AMOTL1: variants seen among roughly 807,000 people sequenced by gnomAD.
AMOTL1 encodes the protein angiomotin like 1.
Under a neutral mutation model 102.9 loss-of-function variants are expected in AMOTL1, and 45 were observed. That is an observed-to-expected ratio of 0.44 (90% CI 0.34 to 0.56). AMOTL1 has a LOEUF of 0.56. AMOTL1 is among the 20% of genes least tolerant of loss of function. The pLI, the probability that AMOTL1 is intolerant of heterozygous loss-of-function variation, is 0.01. For missense variants in AMOTL1, 1,114 were observed against 1,225.6 expected (o/e 0.91, Z 1.36); for synonymous variants, 481 against 484.7 (o/e 0.99, Z 0.10).
chr11:94,857,560 G>C (rs1952693268), intron 8 of AMOTL1, among the ~76,000 whole-genome samples: 1 of 152,014 alleles, frequency 6.6e-6, no homozygotes, highest in South Asian at 2.1e-4. Flanking sequence ...GGAAGTGAAA[G>C]AGAAAAAAGA....
chr11:94,764,997 C>T (rs929174114), upstream of AMOTL1, among the ~76,000 whole-genome samples: 3 of 152,194 alleles, frequency 2.0e-5, no homozygotes, highest in African/African-American at 7.2e-5. Flanking sequence ...TGCTCATTCT[C>T]CTCTATCCAG....
At position 94,806,014 on chromosome 11, in the gene AMOTL1, TA is replaced by T. The variant is rs976349110; in HGVS notation, c.1121+5710del. 5.3e-5 allele frequency among the ~76,000 whole-genome samples: 8 copies of T among 152,252 alleles called. No homozygotes were observed. The Middle Eastern group carries it at 0.01, about 194-fold the overall frequency. ...TATTCCCCAAATCACTATTTTCCTT[TA>T]AAAAAATGCATTATGCATTTTCCCC... On this transcript the variant is annotated intron_variant, in intron 3 of 12. Transcript: ENST00000433060.
Position 94,867,642 on chromosome 11 carries a change from G to A in AMOTL1, c.2488+1474G>A, listed in dbSNP as rs910637655. On this transcript the variant is annotated intron_variant, in intron 11 of 12. Transcript: ENST00000433060. ...AAGGGGCTGAGGCAGGTTCATGGGT[G>A]ACTGCACAGTTCCCCACATGTTGTC... Among the ~76,000 whole-genome samples, 3 of 152,236 alleles carry A rather than the reference G, an allele frequency of 2.0e-5. No homozygotes were observed. In the East Asian group the frequency reaches 5.8e-4, roughly 29 times the overall value.
intron 3 of AMOTL1, among the ~76,000 whole-genome samples, chr11:94,812,610 A>G (rs1951702018): frequency 6.6e-6 from 1 of 152,294 alleles, no homozygotes; most frequent in South Asian, 2.1e-4. Context: ...GAAAGTATAT[A>G]GTTTTTTGTT....
At chr11:94,840,433 A>G (rs1313110966) in intron 6 of AMOTL1, among the ~76,000 whole-genome samples, 4 of 152,020 alleles carry the variant, frequency 2.6e-5, no homozygotes, top group Non-Finnish European at 5.9e-5. Context: ...AAAAAAAGGA[A>G]TCTATTCAAA....
chr11:94,722,912 C>A (rs535058758), intron 1 of AMOTL1, among the ~76,000 whole-genome samples: 1 of 152,126 alleles, frequency 6.6e-6, no homozygotes, highest in Admixed American at 6.6e-5. Context: ...TGAGTCATTA[C>A]ATTAAAAAGC....
At chr11:94,865,863 TG>T in intron 10 of AMOTL1, 78 bp from the exon 11 acceptor site, 1 of 1,256,322 alleles carries the variant, frequency 8.0e-7, no homozygotes, top group African/African-American at 1.5e-5. Flanking sequence ...TTAAAGTCTT[TG>T]GGACAGCCTG....
chr11:94,778,541 A>C (rs981892157), intron 1 of AMOTL1, among the ~76,000 whole-genome samples: 1 of 152,226 alleles, frequency 6.6e-6, no homozygotes, highest in Non-Finnish European at 1.5e-5. Context: ...TCTTAATTAC[A>C]CCTACCTCAA....
chr11:94,728,901 A>G (rs995911113), intron 1 of AMOTL1: 68 of 1,112,580 alleles, frequency 6.1e-5, no homozygotes, highest in Non-Finnish European at 7.8e-5. Flanking sequence ...TCCCTTTTTT[A>G]TATTCATTAT....
intron 3 of AMOTL1, among the ~76,000 whole-genome samples, chr11:94,741,483 G>C (rs539558928): frequency 6.6e-6 from 1 of 152,242 alleles, no homozygotes; most frequent in South Asian, 2.1e-4. Flanking sequence ...TAAACTGTAA[G>C]ACCTAGGAGC....
chr11:94,857,099 A>G (rs910893154), intron 8 of AMOTL1, among the ~76,000 whole-genome samples: 3 of 152,214 alleles, frequency 2.0e-5, no homozygotes, highest in Non-Finnish European at 4.4e-5. Context: ...CTCCCACCAG[A>G]AAAGTAGCCT....
intron 9 of AMOTL1, among the ~76,000 whole-genome samples, chr11:94,864,107 G>A (rs1198645292): frequency 6.6e-6 from 1 of 152,184 alleles, no homozygotes; most frequent in Non-Finnish European, 1.5e-5. Flanking sequence ...AGTATTTACT[G>A]AGCCCCCATT....
chr11:94,779,885 G>A (rs1951083300), intron 1 of AMOTL1, among the ~76,000 whole-genome samples: 2 of 152,116 alleles, frequency 1.3e-5, no homozygotes, highest in Admixed American at 1.3e-4. Context: ...TCGTTTGATT[G>A]GCTAGGCCAT....
At chr11:94,766,611 C>A (rs946393599), upstream of AMOTL1, among the ~76,000 whole-genome samples, 6 of 152,122 alleles carry the variant, frequency 3.9e-5, no homozygotes, top group African/African-American at 1.2e-4. Flanking sequence ...GTATTAAATT[C>A]GCGCAAATGT....
At chr11:94,867,453 G>A (rs1173702587) in intron 11 of AMOTL1, among the ~76,000 whole-genome samples, 1 of 152,160 alleles carries the variant, frequency 6.6e-6, no homozygotes, top group African/African-American at 2.4e-5. Flanking sequence ...AGCCAGGCAG[G>A]CATCTCTGGT....
Position 94,715,808 on chromosome 11 carries a change from G to A in AMOTL1, c.-51+9211G>A, listed in dbSNP as rs528944270. On this transcript the variant is annotated intron_variant, in intron 1 of 4. Transcript: ENST00000299004. ...TTGTTTTATTTCGTTTCAGTTTTCA[G>A]AAGTTTAATTATAATGTGTCTTAGT... is the stretch of plus-strand genomic sequence containing the variant. Among the ~76,000 whole-genome samples, 18 of 152,148 alleles carry A rather than the reference G, an allele frequency of 1.2e-4. No individual in the cohort carries two copies. In the East Asian group the frequency reaches 2.7e-3, roughly 23 times the overall value.
chr11:94,720,375 CTG>C (rs1950157353), intron 1 of AMOTL1, among the ~76,000 whole-genome samples: 1 of 152,140 alleles, frequency 6.6e-6, no homozygotes, highest in Non-Finnish European at 1.5e-5. Flanking sequence ...GAAGCCCAGA[CTG>C]TGGCTGGTAC....
In AMOTL1 at chr11:94,746,308, T is replaced by C. The variant is rs148739531; in HGVS notation, c.136+5320T>C. Among the ~76,000 whole-genome samples the C allele has an allele frequency of 4.0e-3, 615 of 152,260 alleles. 13 individuals carry two copies. Among genetic ancestry groups the C allele is most frequent in the South Asian group, 0.034 (166 of 4,822 alleles). Reference sequence around the variant, plus strand: ...CATAGCCTTTCGGTAGTTCCATGCATAGCTAGAAGTTACGGTCATCTGAGA... The same window carrying C: ...CATAGCCTTTCGGTAGTTCCATGCACAGCTAGAAGTTACGGTCATCTGAGA... On this transcript the variant is annotated intron_variant, in intron 3 of 4. Transcript: ENST00000299004.
At chr11:94,858,822 T>A (rs1217905520) in intron 8 of AMOTL1, among the ~76,000 whole-genome samples, 1 of 152,240 alleles carries the variant, frequency 6.6e-6, no homozygotes, top group African/African-American at 2.4e-5. Flanking sequence ...AAAAAGATTC[T>A]GAAGTATGAA....
Sources: allele counts gnomAD v4.1 joint callset (sites outside exome capture counted in the v4.1 genomes callset), GRCh38; gene constraint gnomAD v4.1.1; transcripts MANE v1.5; gene names NCBI Gene and HGNC (gene_info 2026-07-23, HGNC 2026-07-21).